XYLT1: variants seen among roughly 807,000 people sequenced by gnomAD.
XYLT1 encodes the protein beta-D-xylosyltransferase 1.
A neutral mutation model predicts 91.3 loss-of-function variants in XYLT1; 36 were observed. The observed-to-expected ratio is 0.39, with a 90% CI of 0.30 to 0.52. The LOEUF (loss-of-function observed/expected upper bound fraction) is 0.52. Ranked by LOEUF, XYLT1 falls within the 20% of genes least tolerant of loss-of-function variation. XYLT1 has a pLI of 0.68. For missense variants in XYLT1, 1,242 were observed against 1,284.5 expected, an observed-to-expected ratio of 0.97 and a Z score of 0.51; for synonymous variants, 588 against 532.0, an observed-to-expected ratio of 1.11 and a Z score of -1.45.
At chr16:17,153,429 G>A (rs1182489787) in intron 6 of XYLT1, among the ~76,000 whole-genome samples, 2 of 152,104 alleles carry the variant, frequency 1.3e-5, no homozygotes, top group Non-Finnish European at 1.5e-5. Context: ...TCTGCTCTAA[G>A]CCAACTTTAT....
At chr16:17,416,289 C>T (rs534946184) in intron 1 of XYLT1, among the ~76,000 whole-genome samples, 1 of 152,318 alleles carries the variant, frequency 6.6e-6, no homozygotes, top group South Asian at 2.1e-4. Context: ...ATTTCAGGGA[C>T]AAAAAGAAGC....
chr16:17,237,331 A>AT (rs888988287), intron 3 of XYLT1, among the ~76,000 whole-genome samples: 3 of 151,624 alleles, frequency 2.0e-5, no homozygotes, highest in African/African-American at 4.8e-5. Flanking sequence ...GAAACTATTA[A>AT]TTTTTTTTTC....
At chr16:17,185,474 G>T (rs2032163970) in intron 5 of XYLT1, among the ~76,000 whole-genome samples, 1 of 152,194 alleles carries the variant, frequency 6.6e-6, no homozygotes, top group South Asian at 2.1e-4. Flanking sequence ...AACAAAAGTG[G>T]TTTGGATGCT....
At chr16:17,431,783 C>T (rs949318970) in intron 1 of XYLT1, among the ~76,000 whole-genome samples, 4 of 152,164 alleles carry the variant, frequency 2.6e-5, no homozygotes, top group Non-Finnish European at 5.9e-5. Context: ...TTAGCAACAG[C>T]GTGACACAGA....
intron 9 of XYLT1, among the ~76,000 whole-genome samples, 176 bp downstream of exon 9, chr16:17,134,297 A>G (rs1412122579): frequency 6.6e-6 from 1 of 152,168 alleles, no homozygotes; most frequent in Admixed American, 6.5e-5. Flanking sequence ...CTTGGATTGG[A>G]AATGCCACGC....
At chr16:17,224,854 A>G (rs1207023919) in intron 3 of XYLT1, among the ~76,000 whole-genome samples, 1 of 152,222 alleles carries the variant, frequency 6.6e-6, no homozygotes, top group Non-Finnish European at 1.5e-5. Context: ...ATAAGAGGAC[A>G]GACAGTAAAC....
chr16:17,239,029 G>A (rs1045663142), intron 3 of XYLT1, among the ~76,000 whole-genome samples: 2 of 152,170 alleles, frequency 1.3e-5, no homozygotes, highest in African/African-American at 4.8e-5. Flanking sequence ...TTCCTCCCCA[G>A]CCTCATCTCT....
At chr16:17,389,639 A>ACAGGT (rs1183581036) in intron 1 of XYLT1, among the ~76,000 whole-genome samples, 8 of 152,346 alleles carry the variant, frequency 5.3e-5, no homozygotes, top group East Asian at 3.9e-4. Context: ...CTTAAGCAAG[A>ACAGGT]CAGGTCTTCA....
At position 17,332,679 on chromosome 16, in the gene XYLT1, G is replaced by A. The variant is rs2034919423; in HGVS notation, c.402+25333C>T. ...GATATTCCAAAGTCCCTCTCTAGAG[G>A]TCAGCTTGCAACACACCTCCCCACA... On this transcript the variant is annotated intron_variant, in intron 2 of 11. Coordinates refer to ENST00000261381, the MANE Select transcript of XYLT1 (RefSeq NM_022166.4). Among the ~76,000 whole-genome samples, 6 of 151,784 alleles carry A rather than the reference G, an allele frequency of 4.0e-5. 1 individual carries two copies. In the South Asian group the frequency reaches 1.0e-3, roughly 26 times the overall value.
At chr16:17,404,176 T>A (rs141920111) in intron 1 of XYLT1, among the ~76,000 whole-genome samples, 5 of 152,212 alleles carry the variant, frequency 3.3e-5, no homozygotes, top group African/African-American at 1.2e-4. Context: ...AAGGGTCGGA[T>A]ACTCCTCCCC....
intron 9 of XYLT1, among the ~76,000 whole-genome samples, chr16:17,130,826 C>A (rs1004236977): frequency 1.3e-5 from 2 of 152,184 alleles, no homozygotes; most frequent in African/African-American, 4.8e-5. Context: ...TTGCTTCATG[C>A]TTTCAGTAAA....
At chr16:17,425,608 T>C (rs1470353169) in intron 1 of XYLT1, among the ~76,000 whole-genome samples, 1 of 152,204 alleles carries the variant, frequency 6.6e-6, no homozygotes, top group Non-Finnish European at 1.5e-5. Flanking sequence ...AGGCCCTTTG[T>C]TAATTGTTCA....
intron 1 of XYLT1, among the ~76,000 whole-genome samples, chr16:17,441,263 A>G (rs1319787433): frequency 6.6e-6 from 1 of 152,120 alleles, no homozygotes; most frequent in Non-Finnish European, 1.5e-5. Context: ...AATTTAATTC[A>G]TAAGTGGTTA....
At position 17,204,624 on chromosome 16, in the gene XYLT1, A is replaced by C. The variant is rs1173399896; in HGVS notation, c.914-3970T>G. ...TTTACTGAGTGCCTACTATGTGTTA[A>C]GCAATTTCTGTGCATGATTTTATTC... On this transcript the variant is annotated intron_variant, in intron 3 of 11. Coordinates refer to ENST00000261381, the MANE Select transcript of XYLT1 (RefSeq NM_022166.4). Among the ~76,000 whole-genome samples, 3 of 152,216 alleles carry C rather than the reference A, an allele frequency of 2.0e-5. No homozygotes were observed. The East Asian group carries it at 5.8e-4, about 29-fold the overall frequency.
chr16:17,135,381 C>A (rs904661617), intron 8 of XYLT1, among the ~76,000 whole-genome samples: 1 of 151,958 alleles, frequency 6.6e-6, no homozygotes, highest in Non-Finnish European at 1.5e-5. Context: ...ATTCAGATTC[C>A]AGGCCAGGCA....
intron 8 of XYLT1, among the ~76,000 whole-genome samples, chr16:17,135,782 A>C (rs1037746437): frequency 1.1e-4 from 16 of 152,252 alleles, no homozygotes; most frequent in African/African-American, 3.9e-4. Context: ...ATATTCAGTA[A>C]AAGGCCAGAC....
intron 1 of XYLT1, among the ~76,000 whole-genome samples, chr16:17,431,147 C>CA (rs2036385041): frequency 6.6e-6 from 1 of 152,064 alleles, no homozygotes; most frequent in African/African-American, 2.4e-5. Context: ...TGAGTAGCCA[C>CA]AAAAAACAAC....
At chr16:17,135,870 T>C (rs1000741269) in intron 8 of XYLT1, among the ~76,000 whole-genome samples, 1 of 152,222 alleles carries the variant, frequency 6.6e-6, no homozygotes, top group African/African-American at 2.4e-5. Context: ...GACAAGAGAC[T>C]AAATAAATAG....
At position 17,104,941 on chromosome 16, in the gene XYLT1, A is replaced by G. The variant is rs996072258; in HGVS notation, c.*3754T>C. The G allele has an allele frequency of 7.9e-5, 12 of 152,194 alleles. No individual in the cohort carries two copies. The highest frequency in any genetic ancestry group is 2.9e-4 in the African/African-American group (12 of 41,418). The allele number at this position is 152,194 out of a possible 1,614,324, so 9.4% of individuals were successfully genotyped here. ...CATAAACATTTGTAACCCCTACCAC[A>G]GTGTGTGGCTTTGATCCTGCAGGTC... is the stretch of plus-strand genomic sequence containing the variant. On this transcript the variant is annotated 3_prime_UTR_variant, in exon 12 of 12. Coordinates refer to ENST00000261381, the MANE Select transcript of XYLT1 (RefSeq NM_022166.4).
Sources: allele counts gnomAD v4.1 joint callset (sites outside exome capture counted in the v4.1 genomes callset), GRCh38; gene constraint gnomAD v4.1.1; transcripts MANE v1.5; gene names NCBI Gene and HGNC (gene_info 2026-07-23, HGNC 2026-07-21).